Variants in RAB8A observed in about 807,000 individuals in gnomAD.
The protein encoded by RAB8A is ras-related protein Rab-8A.
RAB8A carries 5 observed loss-of-function variants against 29.2 expected under a neutral mutation model. The ratio of observed to expected loss-of-function variants is 0.17; its 90% CI spans 0.09 to 0.36. The LOEUF (loss-of-function observed/expected upper bound fraction) is 0.36, where lower values mean the gene tolerates loss of function less well. Ranked by LOEUF, RAB8A falls within the 10% of genes least tolerant of loss-of-function variation. The pLI, the probability that RAB8A is intolerant of heterozygous loss-of-function variation, is 1.00. For missense variants in RAB8A, 171 were observed against 272.2 expected (o/e 0.63, Z 2.62); for synonymous variants, 108 against 99.9 (o/e 1.08, Z -0.49).
Position 16,132,310 on chromosome 19 carries a change from A to G in RAB8A, c.*6A>G, listed in dbSNP as rs781704798. 6.2e-7 allele frequency: 1 copy of G among 1,613,316 alleles called. No homozygotes were observed. The highest frequency in any genetic ancestry group is 8.5e-7 in the Non-Finnish European group (1 of 1,179,700). Reference sequence around the variant, plus strand: ...TCCGATGTGTTCTTCTGTGAGGAACACCGCCTTACTCTGAGCCTCGCTCAG... The same window carrying G: ...TCCGATGTGTTCTTCTGTGAGGAACGCCGCCTTACTCTGAGCCTCGCTCAG... On this transcript the variant is annotated 3_prime_UTR_variant, in exon 8 of 8. Transcript: ENST00000300935. This position sits in a 1 kb window ranked among gnomAD's most constrained non-coding sequence, Gnocchi z 5.6.
At chr19:16,120,079 C>G (rs966028039) in intron 2 of RAB8A, among the ~76,000 whole-genome samples, 3 of 152,148 alleles carry the variant, frequency 2.0e-5, no homozygotes, top group African/African-American at 7.2e-5. Context: ...TCCCAAAGTG[C>G]TGGAATTACA....
In RAB8A at chr19:16,129,577, T is replaced by C. The variant is rs747441158; in HGVS notation, c.504T>C (p.Asp168=). The C allele has an allele frequency of 4.3e-6, 7 of 1,613,946 alleles. No individual in the cohort carries two copies. The African/African-American group carries it at 6.7e-5, about 15-fold the overall frequency. Residue 168 remains aspartate, a synonymous_variant, in exon 7 of 8, where the codon GAT becomes GAC. Transcript: ENST00000300935. The part of the protein sequence containing the change: ...VENAFFTLAR[D]IKAKMDKKLE... ...AGGCATTTTTCACTCTCGCCAGAGATATCAAAGCAAAAATGGACAAAAAAT... is the reference window on the plus strand; with the variant it reads ...AGGCATTTTTCACTCTCGCCAGAGACATCAAAGCAAAAATGGACAAAAAAT...
At chr19:16,112,572 T>C (rs990143116) in intron 1 of RAB8A, 2 of 159,696 alleles carry the variant, frequency 1.3e-5, no homozygotes, top group African/African-American at 4.8e-5. Context: ...GGCCACACAG[T>C]CTGCACGTGG....
At chr19:16,121,213 G>A (rs1041621173) in intron 2 of RAB8A, among the ~76,000 whole-genome samples, 5 of 152,130 alleles carry the variant, frequency 3.3e-5, no homozygotes, top group African/African-American at 7.2e-5. Context: ...CACTGCGCCC[G>A]GCCAGTTAGG....
Position 16,111,892 on chromosome 19 carries a change from A to T in RAB8A, c.-10A>T, listed in dbSNP as rs537013318. On this transcript the variant is annotated 5_prime_UTR_variant, in exon 1 of 8. Transcript: ENST00000300935. The stretch of plus-strand genomic sequence containing the variant: ...GCTGGCCGCACTTCCCGTCGGGGAG[A>T]GAGTGTAATATGGCGAAGACCTACG... 6.2e-7 allele frequency: 1 copy of T among 1,613,706 alleles called. No individual in the cohort carries two copies. Among genetic ancestry groups the T allele is most frequent in the African/African-American group, 1.3e-5 (1 of 74,898 alleles).
At chr19:16,112,114 G>A in intron 1 of RAB8A, 89 bp downstream of exon 1, 1 of 1,541,060 alleles carries the variant, frequency 6.5e-7, no homozygotes. Flanking sequence ...TACAGGGCTG[G>A]ACGGGCCGAG....
chr19:16,118,100 C>T (rs745680973), intron 1 of RAB8A, 126 bp from the exon 2 acceptor site: 2 of 721,514 alleles, frequency 2.8e-6, no homozygotes, highest in Non-Finnish European at 4.7e-6. Context: ...ATCCTGCATG[C>T]CCAGCACCAG....
At chr19:16,131,852 ATGGTTGGTTGGT>A (rs72439769) in intron 7 of RAB8A, among the ~76,000 whole-genome samples, 2,879 of 142,482 alleles carry the variant, frequency 0.02, 43 homozygotes, top group East Asian at 0.053. Flanking sequence ...GTATAGATGG[ATGGTTGGTTGGT>A]TGGTTGGTTG....
At chr19:16,131,496 G>A (rs2090924132) in intron 7 of RAB8A, among the ~76,000 whole-genome samples, 1 of 151,674 alleles carries the variant, frequency 6.6e-6, no homozygotes, top group Non-Finnish European at 1.5e-5. Flanking sequence ...GTGGTTGCTT[G>A]GAAGGGGATG....
chr19:16,119,974 C>T (rs1032629515), intron 2 of RAB8A, among the ~76,000 whole-genome samples: 20 of 151,526 alleles, frequency 1.3e-4, no homozygotes, highest in African/African-American at 4.4e-4. Context: ...CCACCACGCT[C>T]GGCTAATTTT....
Position 16,132,362 on chromosome 19 carries a change from G to A in RAB8A, c.*58G>A. On this transcript the variant is annotated 3_prime_UTR_variant, in exon 8 of 8. Transcript: ENST00000300935. The surrounding 1 kb of genome is among the most constrained non-coding windows in gnomAD (Gnocchi z 5.6). ...CCAGCTGACTGTGCCTGTTCTGAGT[G>A]AGCCCCTCACTCAGCCGGGGCCCTC... The A allele has an allele frequency of 6.4e-7, 1 of 1,564,074 alleles. No individual in the cohort carries two copies.
intron 3 of RAB8A, among the ~76,000 whole-genome samples, chr19:16,123,435 C>T (rs996597250): frequency 4.6e-5 from 7 of 152,080 alleles, no homozygotes; most frequent in African/African-American, 1.4e-4. Flanking sequence ...GGTAAAATTC[C>T]ATCTCTACTA....
rs551834020 is a variant in RAB8A at position 16,133,057 on chromosome 19, C to T, written c.*753C>T. ...GTGCTGCAAGTGACCCCGAAAACAA[C>T]CACAGCCGTCACATGGTCCTCCTGA... On this transcript the variant is annotated 3_prime_UTR_variant, in exon 8 of 8. Transcript: ENST00000300935. 6.6e-6 allele frequency: 1 copy of T among 152,546 alleles called. No homozygotes were observed. Among genetic ancestry groups the T allele is most frequent in the African/African-American group, 2.4e-5 (1 of 41,430 alleles). 9.4% of individuals were successfully genotyped at this position (152,546 alleles called of 1,614,324 possible).
chr19:16,127,902 C>A lies in RAB8A; in HGVS notation c.415-124C>A. On this transcript the variant is annotated intron_variant, in intron 5 of 7. Coordinates refer to ENST00000300935, the MANE Select transcript of RAB8A (RefSeq NM_005370.5). The surrounding 1 kb of genome is among the most constrained non-coding windows in gnomAD (Gnocchi z 4.8). Reference sequence around the variant, plus strand: ...TGAGGGAGTGATCCAGGAAGTCACGCCCACAGCCCCAGCCCTGTTGCTGCT... The same window carrying A: ...TGAGGGAGTGATCCAGGAAGTCACGACCACAGCCCCAGCCCTGTTGCTGCT... The A allele has an allele frequency of 1.0e-6, 1 of 953,002 alleles. No individual in the cohort carries two copies. Among genetic ancestry groups the A allele is most frequent in the East Asian group, 2.5e-5 (1 of 39,298 alleles). 59.0% of individuals were successfully genotyped at this position (953,002 alleles called of 1,614,324 possible).
rs753233765 is a variant in RAB8A, at chr19:16,127,429, C to T, written c.325-8C>T. ...GTCTGATCCCCCGTCTGTCCCCCTC[C>T]CTCTCAGCACGCCTCTGCAGACGTC... On this transcript the variant is annotated splice_polypyrimidine_tract_variant and splice_region_variant and intron_variant, in intron 4 of 7. Coordinates refer to ENST00000300935, the MANE Select transcript of RAB8A (RefSeq NM_005370.5). This position sits in a 1 kb window ranked among gnomAD's most constrained non-coding sequence, Gnocchi z 4.8. 6.8e-7 allele frequency: 1 copy of T among 1,476,142 alleles called. No homozygotes were observed. The highest frequency in any genetic ancestry group is 9.0e-7 in the Non-Finnish European group (1 of 1,112,746). 91.4% of individuals were successfully genotyped at this position (1,476,142 alleles called of 1,614,324 possible).
intron 3 of RAB8A, chr19:16,124,119 C>T (rs2090886998): frequency 6.6e-6 from 1 of 152,252 alleles, no homozygotes; most frequent in Non-Finnish European, 1.5e-5. Flanking sequence ...GGCCCCACGC[C>T]CCCTGTCCCT....
In RAB8A at chr19:16,121,742, A is replaced by G. The variant is rs1014751750; in HGVS notation, c.186-8A>G. 18 of 1,612,904 alleles carry G rather than the reference A, an allele frequency of 1.1e-5. No homozygotes were observed. The highest frequency in any genetic ancestry group is 4.5e-5 in the East Asian group (2 of 44,884). On this transcript the variant is annotated splice_polypyrimidine_tract_variant and splice_region_variant and intron_variant, in intron 2 of 7. Transcript: ENST00000300935. Reference sequence around the variant, plus strand: ...AATGTTGCTAATATCCCTTCTCTTCATGTTTAGGGACACAGCCGGTCAGGA... The same window carrying G: ...AATGTTGCTAATATCCCTTCTCTTCGTGTTTAGGGACACAGCCGGTCAGGA...
Position 16,129,587 on chromosome 19 carries a change from A to C in RAB8A, c.514A>C (p.Lys172Gln), listed in dbSNP as rs201751163. 3.7e-6 allele frequency: 6 copies of C among 1,613,974 alleles called. No individual in the cohort carries two copies. The highest frequency in any genetic ancestry group is 5.1e-6 in the Non-Finnish European group (6 of 1,179,996). Residue 172 changes from lysine to glutamine, a missense_variant, in exon 7 of 8, where the codon AAA becomes CAA. Lys to Gln is a moderately conservative substitution (Grantham distance 53). Transcript: ENST00000300935. ...FFTLARDIKAKMDKKLEGNSP... is the reference protein window; with the variant it reads ...FFTLARDIKAQMDKKLEGNSP... ...CACTCTCGCCAGAGATATCAAAGCA[A>C]AAATGGACAAAAAATTGGTGAGTGT...
rs527738702 is a variant in RAB8A, at chr19:16,133,692, G to A, written c.*1388G>A. 2.6e-5 allele frequency: 4 copies of A among 152,776 alleles called. No individual in the cohort carries two copies. Among genetic ancestry groups the A allele is most frequent in the African/African-American group, 9.6e-5 (4 of 41,578 alleles). The allele number at this position is 152,776 out of a possible 1,614,324, so 9.5% of individuals were successfully genotyped here. A position where few individuals can be genotyped will look rare whatever the true frequency, so the allele number is the denominator to read the frequency against. On this transcript the variant is annotated 3_prime_UTR_variant, in exon 8 of 8. Coordinates refer to ENST00000300935, the MANE Select transcript of RAB8A (RefSeq NM_005370.5). ...CACACGGACATGGCCAGGTGCTGGG[G>A]GTGGGTCTGGACAAGATGGTAGAGC...
Sources: allele counts gnomAD v4.1 joint callset (sites outside exome capture counted in the v4.1 genomes callset), GRCh38; gene constraint gnomAD v4.1.1; non-coding constraint Gnocchi (gnomAD v3.1); transcripts MANE v1.5; gene names NCBI Gene and HGNC (gene_info 2026-07-23, HGNC 2026-07-21).